SPATA18: variants seen among roughly 807,000 people sequenced by gnomAD.
SPATA18 encodes the protein mitochondria-eating protein.
SPATA18 carries 54 observed loss-of-function variants against 68.1 expected under a neutral mutation model. That is an observed-to-expected ratio of 0.79 (90% confidence interval 0.64 to 0.99). The LOEUF (loss-of-function observed/expected upper bound fraction) is 0.99, where lower values mean the gene tolerates loss of function less well. Among genes scored for constraint, SPATA18 ranks in the 50% least tolerant of loss-of-function variants. SPATA18 has a pLI of 0.00. For missense variants in SPATA18, 724 were observed against 681.1 expected (o/e 1.06, Z -0.70); for synonymous variants, 242 against 244.8 (o/e 0.99, Z 0.11).
chr4:52,080,726 G>A (rs1210733249), intron 9 of SPATA18, among the ~76,000 whole-genome samples: 1 of 152,014 alleles, frequency 6.6e-6, no homozygotes, highest in Non-Finnish European at 1.5e-5. Context: ...TATCCAATGG[G>A]GGCAATAATA....
intron 3 of SPATA18, among the ~76,000 whole-genome samples, 185 bp downstream of exon 3, chr4:52,061,082 G>A (rs898676924): frequency 2.4e-4 from 37 of 152,210 alleles, no homozygotes; most frequent in African/African-American, 8.2e-4. Flanking sequence ...ACTAGAAAGA[G>A]CGCACATACC....
intron 10 of SPATA18, chr4:52,082,874 G>C: frequency 1.0e-6 from 1 of 985,318 alleles, no homozygotes; most frequent in Non-Finnish European, 1.2e-6. Flanking sequence ...CTCAGGAAAC[G>C]ATTTGCCAAA....
At chr4:52,075,512 A>G (rs929050134) in intron 6 of SPATA18, among the ~76,000 whole-genome samples, 2 of 152,194 alleles carry the variant, frequency 1.3e-5, no homozygotes, top group African/African-American at 4.8e-5. Context: ...AGTCTGACTT[A>G]TAAAATGTAT....
chr4:52,091,874 G>T (rs1335319244), intron 11 of SPATA18, among the ~76,000 whole-genome samples: 12 of 152,176 alleles, frequency 7.9e-5, no homozygotes, highest in Non-Finnish European at 1.0e-4. Flanking sequence ...CCCCTGACTG[G>T]GGCTGCTGCC....
intron 4 of SPATA18, among the ~76,000 whole-genome samples, chr4:52,066,182 G>T (rs367975566): frequency 1.3e-4 from 19 of 151,966 alleles, no homozygotes; most frequent in African/African-American, 4.6e-4. Flanking sequence ...ACAGAGTCTC[G>T]CTCTGTCACC....
chr4:52,072,065 A>T lies in SPATA18; in HGVS notation c.667A>T (p.Thr223Ser). The change falls in exon 6 of 13, where the codon ACA becomes TCA. Residue 223 changes from threonine (T) to serine (S), a missense_variant. Thr to Ser is a moderately conservative substitution (Grantham distance 58, BLOSUM62 1). Transcript: ENST00000295213. ...SLKQNADQQDTEAMSDYKKQL... is the reference protein window; with the variant it reads ...SLKQNADQQDSEAMSDYKKQL... ...CAAGCAGAATGCAGACCAGCAGGACACAGAAGCCATGTCCGATTATAAGAA... is the reference window on the plus strand; with the variant it reads ...CAAGCAGAATGCAGACCAGCAGGACTCAGAAGCCATGTCCGATTATAAGAA... 6.2e-7 allele frequency: 1 copy of T among 1,613,938 alleles called. No individual in the cohort carries two copies. Among genetic ancestry groups the T allele is most frequent in the Non-Finnish European group, 8.5e-7 (1 of 1,180,006 alleles).
At chr4:52,082,783 A>T (rs1181991951) in intron 10 of SPATA18, 1 of 1,245,002 alleles carries the variant, frequency 8.0e-7, no homozygotes, top group African/African-American at 1.5e-5. Flanking sequence ...TAGAATTATT[A>T]TAATATTTTA....
intron 9 of SPATA18, among the ~76,000 whole-genome samples, chr4:52,080,923 A>G (rs966302395): frequency 6.6e-6 from 1 of 152,216 alleles, no homozygotes; most frequent in African/African-American, 2.4e-5. Flanking sequence ...ACTCAGAATC[A>G]TTCACTTTCT....
At chr4:52,091,915 A>C (rs1430049384) in intron 11 of SPATA18, among the ~76,000 whole-genome samples, 1 of 152,152 alleles carries the variant, frequency 6.6e-6, no homozygotes, top group Non-Finnish European at 1.5e-5. Context: ...TCCAAAGAGG[A>C]GCAATCTGCC....
At chr4:52,080,299 A>G (rs1254713307) in intron 9 of SPATA18, among the ~76,000 whole-genome samples, 4 of 152,190 alleles carry the variant, frequency 2.6e-5, no homozygotes, top group South Asian at 2.1e-4. Context: ...TTAAAAATAC[A>G]CATTCCTGGA....
intron 4 of SPATA18, among the ~76,000 whole-genome samples, chr4:52,062,908 A>T (rs1187932598): frequency 6.6e-6 from 1 of 152,202 alleles, no homozygotes; most frequent in Non-Finnish European, 1.5e-5. Flanking sequence ...TGTATTTTTT[A>T]AAAGTTAAGC....
At chr4:52,054,041 C>G (rs936611529) in intron 1 of SPATA18, among the ~76,000 whole-genome samples, 1 of 152,206 alleles carries the variant, frequency 6.6e-6, no homozygotes. Flanking sequence ...CTTTCTTGCT[C>G]GTCCTAGAGC....
Position 52,095,881 on chromosome 4 carries a change from G to A in SPATA18, c.*994G>A, listed in dbSNP as rs1014349070. ...CTGTCAAATACTTTTGAAACTTCACGTTCAAGATAAGAATGGAATGTTGCT... is the reference window on the plus strand; with the variant it reads ...CTGTCAAATACTTTTGAAACTTCACATTCAAGATAAGAATGGAATGTTGCT... On this transcript the variant is annotated 3_prime_UTR_variant, in exon 13 of 13. Transcript: ENST00000295213. 8 of 152,090 alleles carry A rather than the reference G, an allele frequency of 5.3e-5. No individual in the cohort carries two copies. Among genetic ancestry groups the A allele is most frequent in the South Asian group, 2.1e-4 (1 of 4,830 alleles). The allele number at this position is 152,090 out of a possible 1,614,324, so 9.4% of individuals were successfully genotyped here.
At position 52,096,007 on chromosome 4, in the gene SPATA18, G is replaced by A. The variant is rs1742389403; in HGVS notation, c.*1120G>A. The stretch of plus-strand genomic sequence containing the variant: ...CTACTTTCTCCACATACCTTTGAGA[G>A]AGACACTGAATTGGCCTCAGCTCAG... On this transcript the variant is annotated 3_prime_UTR_variant, in exon 13 of 13. Transcript: ENST00000295213. 6.6e-6 allele frequency: 1 copy of A among 152,064 alleles called. No homozygotes were observed. Among genetic ancestry groups the A allele is most frequent in the Non-Finnish European group, 1.5e-5 (1 of 68,020 alleles). 9.4% of individuals were successfully genotyped at this position (152,064 alleles called of 1,614,324 possible).
At chr4:52,091,804 C>T (rs1168269582) in intron 11 of SPATA18, among the ~76,000 whole-genome samples, 2 of 152,212 alleles carry the variant, frequency 1.3e-5, no homozygotes, top group East Asian at 3.9e-4. Context: ...GAATGCTGGG[C>T]TGGGAGGTTT....
intron 5 of SPATA18, among the ~76,000 whole-genome samples, chr4:52,070,879 G>GT (rs1482671616): frequency 3.6e-5 from 4 of 112,002 alleles, no homozygotes; most frequent in African/African-American, 1.1e-4. Flanking sequence ...AAAAGAGTAA[G>GT]TGGGGGGGGG....
rs567163894 is a variant in SPATA18 at position 52,068,802 on chromosome 4, T to G, written c.423-1019T>G. 2.8e-4 allele frequency among the ~76,000 whole-genome samples: 42 copies of G among 152,282 alleles called. 1 individual carries two copies. The Middle Eastern group carries it at 0.014, about 49-fold the overall frequency. The stretch of plus-strand genomic sequence containing the variant: ...GTCAAGAAGACTTTGTCAACTCAAG[T>G]CTCACTGTTCTGGGGCAACTTCATT... On this transcript the variant is annotated intron_variant, in intron 4 of 12. Coordinates refer to ENST00000295213, the MANE Select transcript of SPATA18 (RefSeq NM_145263.4).
intron 1 of SPATA18, 83 bp downstream of exon 1, chr4:52,051,874 G>A: frequency 1.5e-6 from 2 of 1,303,324 alleles, no homozygotes; most frequent in Non-Finnish European, 2.2e-6. Context: ...TAGGGCTGGA[G>A]TTGGTGGCCA....
chr4:52,056,620 C>G (rs561996263), intron 1 of SPATA18, among the ~76,000 whole-genome samples: 1 of 152,274 alleles, frequency 6.6e-6, no homozygotes, highest in South Asian at 2.1e-4. Context: ...TCTAAACTCT[C>G]TGACCTTCTT....
Sources: gnomAD v4.1 joint callset for allele counts (sites outside exome capture counted in the v4.1 genomes callset) on GRCh38, gnomAD v4.1.1 for gene constraint, MANE v1.5 for transcripts, NCBI Gene and HGNC (gene_info 2026-07-23, HGNC 2026-07-21) for gene names.